SETX: variants seen among roughly 807,000 people sequenced by gnomAD.
SETX encodes the protein helicase senataxin.
A neutral mutation model predicts 227.2 loss-of-function variants in SETX; 90 were observed. The ratio of observed to expected loss-of-function variants is 0.40; its 90% CI spans 0.33 to 0.47. The LOEUF (loss-of-function observed/expected upper bound fraction) is 0.47, where lower values mean the gene tolerates loss of function less well. Among genes scored for constraint, SETX ranks in the 20% least tolerant of loss-of-function variants. The pLI, the probability that SETX is intolerant of heterozygous loss-of-function variation, is 0.91. For synonymous variants in SETX, 1,210 were observed against 1,113.2 expected, an observed-to-expected ratio of 1.09 and a Z score of -1.73; for missense variants, 3,052 against 3,181.5, an observed-to-expected ratio of 0.96 and a Z score of 0.98.
intron 4 of SETX, among the ~76,000 whole-genome samples, chr9:132,345,928 A>T (rs920391722): frequency 6.6e-6 from 1 of 152,180 alleles, no homozygotes; most frequent in African/African-American, 2.4e-5. Context: ...CTCAGGCAGG[A>T]GTATTACTTG....
At chr9:132,272,813 G>C (rs1842963904) in intron 23 of SETX, among the ~76,000 whole-genome samples, 1 of 152,166 alleles carries the variant, frequency 6.6e-6, no homozygotes, top group Non-Finnish European at 1.5e-5. Flanking sequence ...GCATGTAACA[G>C]AACTTCATCC....
At position 132,331,392 on chromosome 9, in the gene SETX, G is replaced by A. The variant is rs777182592; in HGVS notation, c.895C>T (p.Arg299Cys). The change falls in exon 8 of 26, where the codon CGC becomes TGC. Residue 299 changes from arginine to cysteine, a missense_variant. This residue lies in a region of SETX where 239 missense variants were observed against 240.8 expected (regional missense o/e 0.99). Transcript: ENST00000224140. ...ALHCFMVILD[R>C]LGSKVWGQLM... ...TGACCCCAGACCTTAGATCCAAGGC[G>A]ATCCAGAATCACCATAAAACAGTGT... 1.8e-5 allele frequency: 29 copies of A among 1,613,928 alleles called. No homozygotes were observed. The highest frequency in any genetic ancestry group is 1.6e-4 in the Middle Eastern group (1 of 6,084).
At chr9:132,350,676 TTTAC>T (rs1374405072) in intron 2 of SETX, among the ~76,000 whole-genome samples, 2 of 152,320 alleles carry the variant, frequency 1.3e-5, no homozygotes, top group Admixed American at 1.3e-4. Context: ...AAATATTACT[TTTAC>T]TTATGCTTTT....
At position 132,326,268 on chromosome 9, in the gene SETX, G is replaced by C. The variant is rs1316921616; in HGVS notation, c.5274+56C>G. The C allele has an allele frequency of 9.3e-5, 122 of 1,318,530 alleles. 1 individual carries two copies. Among genetic ancestry groups the C allele is most frequent in the Non-Finnish European group, 3.3e-5 (31 of 931,420 alleles). The allele number at this position is 1,318,530 out of a possible 1,614,324, so 81.7% of individuals were successfully genotyped here. A position where few individuals can be genotyped will look rare whatever the true frequency, so the allele number is the denominator to read the frequency against. On this transcript the variant is annotated intron_variant, in intron 10 of 25. Coordinates refer to ENST00000224140, the MANE Select transcript of SETX (RefSeq NM_015046.7). ...CTATACTCTCATTTTCACTCAGCAA[G>C]GTAAAGAGGTAACTTGAAAAGTTTG...
intron 10 of SETX, among the ~76,000 whole-genome samples, chr9:132,321,790 G>A (rs977377878): frequency 1.3e-5 from 2 of 152,060 alleles, no homozygotes; most frequent in African/African-American, 4.8e-5. Flanking sequence ...AGAGGTTGCG[G>A]TGAGCCGAGA....
intron 5 of SETX, among the ~76,000 whole-genome samples, chr9:132,342,349 A>T (rs1848027215): frequency 1.3e-5 from 2 of 152,198 alleles, no homozygotes; most frequent in Non-Finnish European, 2.9e-5. Context: ...TAACTTTTCA[A>T]ATGTTTTAAC....
At chr9:132,356,092 G>GTGAGCCGTGACTGTGCCACTACAC (rs1207192159), upstream of SETX, among the ~76,000 whole-genome samples, 1 of 151,882 alleles carries the variant, frequency 6.6e-6, no homozygotes, top group African/African-American at 2.4e-5. Flanking sequence ...CGAGACTGCA[G>GTGAGCCGTGACTGTGCCACTACAC]TGAGCCGTGA....
intron 1 of SETX, among the ~76,000 whole-genome samples, chr9:132,354,506 A>G (rs1406616882): frequency 4.0e-5 from 6 of 151,270 alleles, no homozygotes; most frequent in African/African-American, 1.5e-4. Context: ...AAAAAAAAAA[A>G]AAAAAGAAAA....
chr9:132,305,455 C>T (rs1025820870), intron 11 of SETX, among the ~76,000 whole-genome samples: 3 of 151,304 alleles, frequency 2.0e-5, no homozygotes, highest in South Asian at 2.1e-4. Flanking sequence ...GATATTTACT[C>T]ATTACAAATG....
intron 4 of SETX, among the ~76,000 whole-genome samples, chr9:132,343,174 C>G (rs952044096): frequency 6.6e-6 from 1 of 152,062 alleles, no homozygotes; most frequent in Admixed American, 6.5e-5. Context: ...AAAAAATTAG[C>G]CGGGCGTGGT....
chr9:132,270,452 C>G (rs1015772429), intron 24 of SETX, among the ~76,000 whole-genome samples: 4 of 152,236 alleles, frequency 2.6e-5, no homozygotes, highest in Non-Finnish European at 2.9e-5. Flanking sequence ...ATGTGAGACA[C>G]AGGTGGACTG....
intron 2 of SETX, among the ~76,000 whole-genome samples, chr9:132,350,069 T>A (rs185859197): frequency 1.3e-5 from 2 of 152,166 alleles, no homozygotes; most frequent in East Asian, 3.9e-4. Flanking sequence ...AAAACCTAAG[T>A]AAGCTGGGAA....
At chr9:132,341,993 A>C (rs1369628056) in intron 5 of SETX, among the ~76,000 whole-genome samples, 2 of 152,084 alleles carry the variant, frequency 1.3e-5, no homozygotes. Context: ...GCCCAGAGGA[A>C]ACTGAAATTC....
upstream of SETX, among the ~76,000 whole-genome samples, chr9:132,356,296 G>A (rs1021955330): frequency 9.9e-5 from 15 of 152,156 alleles, no homozygotes; most frequent in African/African-American, 3.4e-4. Context: ...TCCGCCTCCT[G>A]GGTTCAAATG....
At chr9:132,324,176 T>C (rs148965483) in intron 10 of SETX, among the ~76,000 whole-genome samples, 2 of 152,272 alleles carry the variant, frequency 1.3e-5, no homozygotes, top group East Asian at 1.9e-4. Context: ...CTACCCTTCA[T>C]AGGGTTATGA....
intron 9 of SETX, 67 bp downstream of exon 9, chr9:132,330,985 T>G: frequency 8.0e-7 from 1 of 1,257,330 alleles, no homozygotes; most frequent in Non-Finnish European, 1.2e-6. Context: ...CTCAACAAAT[T>G]ATACAAAATA....
At chr9:132,299,662 A>C (rs1442842002) in intron 12 of SETX, among the ~76,000 whole-genome samples, 1 of 152,240 alleles carries the variant, frequency 6.6e-6, no homozygotes, top group African/African-American at 2.4e-5. Flanking sequence ...GCAGTTTGGC[A>C]TAAGAAAAAC....
upstream of SETX, chr9:132,355,127 G>A (rs186472589): frequency 2.6e-5 from 4 of 152,368 alleles, no homozygotes; most frequent in South Asian, 4.1e-4. Flanking sequence ...CATGGGAAGA[G>A]CGGCCGCGGT....
chr9:132,315,674 A>G (rs1845924222), intron 10 of SETX, among the ~76,000 whole-genome samples: 1 of 152,168 alleles, frequency 6.6e-6, no homozygotes, highest in Admixed American at 6.5e-5. Flanking sequence ...TCTGGTTTCC[A>G]ACTTAACCAC....
Sources: gnomAD v4.1 joint callset for allele counts (sites outside exome capture counted in the v4.1 genomes callset) on GRCh38, gnomAD v4.1.1 for gene constraint, gnomAD v4.1.1 regional missense constraint, MANE v1.5 for transcripts, NCBI Gene and HGNC (gene_info 2026-07-23, HGNC 2026-07-21) for gene names.